TSPAN2: variants seen among roughly 807,000 people sequenced by gnomAD.
TSPAN2 encodes the protein tetraspanin 2, also known as tetraspanin-2.
TSPAN2 carries 24 observed loss-of-function variants against 33.3 expected under a neutral mutation model. The observed-to-expected ratio is 0.72, with a 90% CI of 0.52 to 1.01. TSPAN2 has a LOEUF of 1.01. Among genes scored for constraint, TSPAN2 ranks in the 50% least tolerant of loss-of-function variants. The pLI is 0.00. For synonymous variants in TSPAN2, 114 were observed against 104.5 expected, an observed-to-expected ratio of 1.09 and a Z score of -0.56; for missense variants, 278 against 281.3, an observed-to-expected ratio of 0.99 and a Z score of 0.08.
intron 1 of TSPAN2, among the ~76,000 whole-genome samples, chr1:115,085,541 G>C (rs968822911): frequency 1.3e-5 from 2 of 152,152 alleles, no homozygotes; most frequent in East Asian, 3.9e-4. Flanking sequence ...CCGTAACTCC[G>C]AGGGGCAGGC....
intron 1 of TSPAN2, among the ~76,000 whole-genome samples, chr1:115,073,296 G>A (rs1281753734): frequency 3.3e-5 from 5 of 152,230 alleles, no homozygotes; most frequent in Non-Finnish European, 7.3e-5. Flanking sequence ...AGCACAGCCA[G>A]GGAGGTGTCT....
At chr1:115,064,824 G>A (rs755182531) in intron 2 of TSPAN2, among the ~76,000 whole-genome samples, 52 of 152,256 alleles carry the variant, frequency 3.4e-4, no homozygotes, top group Non-Finnish European at 5.0e-4. Flanking sequence ...AGACACCCTG[G>A]AATATGTGAA....
At chr1:115,074,563 A>G (rs1648323837) in intron 1 of TSPAN2, among the ~76,000 whole-genome samples, 1 of 152,198 alleles carries the variant, frequency 6.6e-6, no homozygotes, top group Non-Finnish European at 1.5e-5. Flanking sequence ...TCTGCATTTA[A>G]AAAAAGGGTG....
Position 115,060,984 on chromosome 1 carries a change from G to T in TSPAN2, c.271-446C>A, listed in dbSNP as rs566807620. ...ATGCGGCCTGGGCATGGGGAAGGGGGTGACTGGAGATTCTGTGGTCTGGAA... is the reference window on the plus strand; with the variant it reads ...ATGCGGCCTGGGCATGGGGAAGGGGTTGACTGGAGATTCTGTGGTCTGGAA... On this transcript the variant is annotated intron_variant, in intron 3 of 7. Coordinates refer to ENST00000369516, the MANE Select transcript of TSPAN2 (RefSeq NM_005725.6). Among the ~76,000 whole-genome samples, 12 of 152,304 alleles carry T rather than the reference G, an allele frequency of 7.9e-5. No homozygotes were observed. In the South Asian group the frequency reaches 2.5e-3, roughly 32 times the overall value.
intron 7 of TSPAN2, among the ~76,000 whole-genome samples, chr1:115,051,070 G>C (rs1675300632): frequency 6.6e-6 from 1 of 152,158 alleles, no homozygotes; most frequent in Non-Finnish European, 1.5e-5. Context: ...AGCACTTTGG[G>C]AGGCTGTGGT....
intron 1 of TSPAN2, among the ~76,000 whole-genome samples, chr1:115,086,051 G>A (rs1648819846): frequency 6.6e-6 from 1 of 152,050 alleles, no homozygotes; most frequent in Admixed American, 6.6e-5. Context: ...AAGTCACTTG[G>A]CAAACTTATA....
In TSPAN2 at chr1:115,057,526, T is replaced by A; in HGVS notation, c.516+11A>T. 1 of 1,613,706 alleles carries A rather than the reference T, an allele frequency of 6.2e-7. No individual in the cohort carries two copies. Among genetic ancestry groups the A allele is most frequent in the Non-Finnish European group, 8.5e-7 (1 of 1,179,626 alleles). Reference sequence around the variant, plus strand: ...ACTACAGGTAGAGTAAGAACCTTGGTAGAAGCTTACCTTGTGTCCTAGAAG... The same window carrying A: ...ACTACAGGTAGAGTAAGAACCTTGGAAGAAGCTTACCTTGTGTCCTAGAAG... On this transcript the variant is annotated intron_variant, in intron 6 of 7. Transcript: ENST00000369516.
intron 1 of TSPAN2, among the ~76,000 whole-genome samples, chr1:115,079,974 G>A (rs75114123): frequency 6.6e-6 from 1 of 152,318 alleles, no homozygotes; most frequent in African/African-American, 2.4e-5. Flanking sequence ...AGAACACTGG[G>A]CTATACATTT....
At chr1:115,078,419 T>C (rs1316099536) in intron 1 of TSPAN2, among the ~76,000 whole-genome samples, 1 of 152,116 alleles carries the variant, frequency 6.6e-6, no homozygotes, top group Non-Finnish European at 1.5e-5. Flanking sequence ...ATAGACTGAA[T>C]TGTATCCCTC....
intron 2 of TSPAN2, among the ~76,000 whole-genome samples, chr1:115,065,265 T>C (rs921339304): frequency 3.3e-5 from 5 of 152,242 alleles, no homozygotes; most frequent in African/African-American, 1.2e-4. Context: ...TAAGGCCACC[T>C]GTGGCTTCCA....
intron 1 of TSPAN2, among the ~76,000 whole-genome samples, chr1:115,086,679 C>A (rs1648847670): frequency 6.6e-6 from 1 of 152,204 alleles, no homozygotes; most frequent in African/African-American, 2.4e-5. Flanking sequence ...TGATTCCACA[C>A]TGTCTTATTT....
chr1:115,068,724 G>A (rs573783923), intron 2 of TSPAN2, among the ~76,000 whole-genome samples: 3 of 152,274 alleles, frequency 2.0e-5, no homozygotes, highest in South Asian at 4.1e-4. Context: ...TTCTTGTTTT[G>A]TTGCTGGAGA....
At chr1:115,072,301 C>T (rs940446981) in intron 2 of TSPAN2, among the ~76,000 whole-genome samples, 15 of 151,966 alleles carry the variant, frequency 9.9e-5, no homozygotes, top group African/African-American at 1.5e-4. Context: ...CAGGGGAGTC[C>T]CTCTCATCTC....
intron 2 of TSPAN2, among the ~76,000 whole-genome samples, chr1:115,069,520 G>A (rs945068794): frequency 1.3e-5 from 2 of 152,186 alleles, no homozygotes; most frequent in Non-Finnish European, 2.9e-5. Context: ...ACTGACGGCC[G>A]TTTTATCACA....
chr1:115,064,719 T>C (rs1429463017), intron 2 of TSPAN2, among the ~76,000 whole-genome samples: 1 of 152,176 alleles, frequency 6.6e-6, no homozygotes, highest in African/African-American at 2.4e-5. Context: ...CTTAGAGATA[T>C]ATGCTGGAAA....
At chr1:115,084,549 C>T (rs1029125928) in intron 1 of TSPAN2, among the ~76,000 whole-genome samples, 8 of 152,222 alleles carry the variant, frequency 5.3e-5, no homozygotes, top group Non-Finnish European at 1.5e-5. Flanking sequence ...TCTAGGTCCA[C>T]ACTAGGGGAC....
At chr1:115,066,294 A>G (rs2101033328) in intron 2 of TSPAN2, among the ~76,000 whole-genome samples, 1 of 152,196 alleles carries the variant, frequency 6.6e-6, no homozygotes, top group Non-Finnish European at 1.5e-5. Context: ...ATAGCTCTAT[A>G]TTTATTTTTT....
chr1:115,070,355 T>G (rs1037828585), intron 2 of TSPAN2, among the ~76,000 whole-genome samples: 10 of 150,802 alleles, frequency 6.6e-5, no homozygotes, highest in African/African-American at 2.2e-4. Flanking sequence ...TTGTCCGGCC[T>G]GATTATATCA....
chr1:115,050,302 C>T lies in TSPAN2; in HGVS notation c.*188G>A. The T allele has an allele frequency of 1.6e-6, 1 of 639,504 alleles. No homozygotes were observed. Among genetic ancestry groups the T allele is most frequent in the Non-Finnish European group, 2.8e-6 (1 of 359,072 alleles). The allele number at this position is 639,504 out of a possible 1,614,324, so 39.6% of individuals were successfully genotyped here. On this transcript the variant is annotated 3_prime_UTR_variant, in exon 8 of 8. Coordinates refer to ENST00000369516, the MANE Select transcript of TSPAN2 (RefSeq NM_005725.6). ...CACACATGAATATGCTCTCAGTCATCATAAACAGGCATTCACTCAAGGGGT... is the reference window on the plus strand; with the variant it reads ...CACACATGAATATGCTCTCAGTCATTATAAACAGGCATTCACTCAAGGGGT...
Sources: gnomAD v4.1 joint callset for allele counts (sites outside exome capture counted in the v4.1 genomes callset) on GRCh38, gnomAD v4.1.1 for gene constraint, MANE v1.5 for transcripts, NCBI Gene and HGNC (gene_info 2026-07-23, HGNC 2026-07-21) for gene names.